The following LDB2 variants were observed in gnomAD, a reference collection of about 807,000 sequenced individuals.
The protein encoded by LDB2 is LIM domain-binding protein 2.
LDB2 carries 12 observed loss-of-function variants against 44.3 expected under a neutral mutation model. That is an observed-to-expected ratio of 0.27 (90% CI 0.17 to 0.44). The LOEUF is 0.44. Among genes scored for constraint, LDB2 ranks in the 20% least tolerant of loss-of-function variants. LDB2 has a pLI of 1.00. For synonymous variants in LDB2, 164 were observed against 174.8 expected (o/e 0.94, Z 0.49); for missense variants, 344 against 473.5 (o/e 0.73, Z 2.54).
chr4:16,707,522 G>A (rs754187227), intron 2 of LDB2, among the ~76,000 whole-genome samples: 18 of 152,232 alleles, frequency 1.2e-4, no homozygotes, highest in African/African-American at 4.1e-4. Context: ...ATCATTTCAC[G>A]TGATAATTTC....
intron 2 of LDB2, among the ~76,000 whole-genome samples, chr4:16,602,350 G>T (rs1722798569): frequency 6.6e-6 from 1 of 152,176 alleles, no homozygotes; most frequent in South Asian, 2.1e-4. Flanking sequence ...AGAGGTCCAG[G>T]CCCAAGAACC....
chr4:16,539,702 G>C (rs1199405588), intron 5 of LDB2, among the ~76,000 whole-genome samples: 1 of 152,048 alleles, frequency 6.6e-6, no homozygotes, highest in African/African-American at 2.4e-5. Flanking sequence ...TTTTCATCTA[G>C]AGTCCAAAAC....
chr4:16,806,904 C>G (rs1158793288), intron 1 of LDB2, among the ~76,000 whole-genome samples: 1 of 152,158 alleles, frequency 6.6e-6, no homozygotes, highest in Non-Finnish European at 1.5e-5. Flanking sequence ...TATCTCATAG[C>G]ATTGTTTGGA....
chr4:16,844,215 T>C (rs1187104974), intron 1 of LDB2, among the ~76,000 whole-genome samples: 2 of 120,084 alleles, frequency 1.7e-5, no homozygotes, highest in Non-Finnish European at 3.2e-5. Flanking sequence ...GCCACTGCAC[T>C]CTAGCCTGGG....
At chr4:16,733,699 C>T (rs1272960063) in intron 2 of LDB2, among the ~76,000 whole-genome samples, 1 of 152,138 alleles carries the variant, frequency 6.6e-6, no homozygotes, top group African/African-American at 2.4e-5. Flanking sequence ...CAGCAATCCC[C>T]TGATAGGCTG....
At chr4:16,771,497 CAA>C (rs1236438754) in intron 1 of LDB2, among the ~76,000 whole-genome samples, 1 of 152,138 alleles carries the variant, frequency 6.6e-6, no homozygotes, top group Non-Finnish European at 1.5e-5. Flanking sequence ...ACTTCTTAAC[CAA>C]AGAGGCATCT....
chr4:16,686,775 G>T (rs1177471667), intron 2 of LDB2, among the ~76,000 whole-genome samples: 1 of 152,138 alleles, frequency 6.6e-6, no homozygotes, highest in Non-Finnish European at 1.5e-5. Flanking sequence ...TCAAACTCAG[G>T]TTGCCAGTAG....
intron 1 of LDB2, among the ~76,000 whole-genome samples, chr4:16,794,848 G>A (rs1470622592): frequency 6.6e-6 from 1 of 152,162 alleles, no homozygotes; most frequent in Non-Finnish European, 1.5e-5. Context: ...ACCTGCTCCT[G>A]GAAGCCTTTC....
intron 2 of LDB2, among the ~76,000 whole-genome samples, chr4:16,710,773 T>C (rs555460552): frequency 3.9e-5 from 6 of 152,316 alleles, no homozygotes; most frequent in Admixed American, 3.3e-4. Flanking sequence ...CCAAGGGTCA[T>C]CCTTTTTTAA....
chr4:16,739,628 G>A (rs56007534), intron 2 of LDB2, among the ~76,000 whole-genome samples: 68 of 47,538 alleles, frequency 1.4e-3, no homozygotes, highest in South Asian at 2.7e-3. Context: ...ACATGTGTGT[G>A]TATATATGTA....
chr4:16,738,575 T>C (rs182420699), intron 2 of LDB2, among the ~76,000 whole-genome samples: 1 of 152,352 alleles, frequency 6.6e-6, no homozygotes, highest in Admixed American at 6.5e-5. Flanking sequence ...TACTTTGCTA[T>C]ACAAAATCCA....
intron 2 of LDB2, among the ~76,000 whole-genome samples, chr4:16,671,777 A>G (rs1190315450): frequency 6.6e-6 from 1 of 151,900 alleles, no homozygotes; most frequent in Non-Finnish European, 1.5e-5. Flanking sequence ...ACCACATCTC[A>G]TTAACCATCC....
At chr4:16,896,619 T>C (rs1433308024) in intron 1 of LDB2, among the ~76,000 whole-genome samples, 1 of 152,196 alleles carries the variant, frequency 6.6e-6, no homozygotes, top group Admixed American at 6.5e-5. Context: ...TAAATATTGT[T>C]GCTGTTCAAG....
chr4:16,791,459 G>T (rs1289773285), intron 1 of LDB2, among the ~76,000 whole-genome samples: 1 of 145,624 alleles, frequency 6.9e-6, no homozygotes, highest in Non-Finnish European at 1.5e-5. Context: ...GGAGGCTGAG[G>T]CAGGAGAATT....
intron 2 of LDB2, chr4:16,651,179 C>T (rs1738172396): frequency 6.6e-6 from 1 of 152,216 alleles, no homozygotes; most frequent in Non-Finnish European, 1.5e-5. Context: ...GATCACTCAT[C>T]CATTCACTCC....
intron 2 of LDB2, among the ~76,000 whole-genome samples, chr4:16,757,419 A>T (rs1237858749): frequency 6.6e-6 from 1 of 152,156 alleles, no homozygotes; most frequent in Admixed American, 6.5e-5. Flanking sequence ...CTGTTCATGG[A>T]GATAAGATCT....
rs535459210 is a variant in LDB2 at position 16,811,166 on chromosome 4, G to A, written c.133-51906C>T. On this transcript the variant is annotated intron_variant, in intron 1 of 7. Coordinates refer to ENST00000304523, the MANE Select transcript of LDB2 (RefSeq NM_001290.5). Reference sequence around the variant, plus strand: ...AGCACAGGTTTGTTAAAAGGATTAAGTGAACTGATTCATGGGATGTGCTTT... The same window carrying A: ...AGCACAGGTTTGTTAAAAGGATTAAATGAACTGATTCATGGGATGTGCTTT... Among the ~76,000 whole-genome samples the A allele has an allele frequency of 1.2e-4, 19 of 152,324 alleles. 2 individuals are homozygous for A. The South Asian group carries it at 3.9e-3, about 32-fold the overall frequency.
intron 5 of LDB2, among the ~76,000 whole-genome samples, chr4:16,569,750 T>C (rs542308156): frequency 1.5e-4 from 23 of 152,214 alleles, no homozygotes; most frequent in Non-Finnish European, 2.9e-4. Context: ...ATTTTATATG[T>C]GGTAGTTGTT....
intron 1 of LDB2, among the ~76,000 whole-genome samples, chr4:16,793,199 C>T (rs760426574): frequency 1.1e-4 from 16 of 152,160 alleles, no homozygotes; most frequent in Admixed American, 2.0e-4. Context: ...AATTGGTATA[C>T]GCGTTGCCTT....
Sources: gnomAD v4.1 joint callset for allele counts (sites outside exome capture counted in the v4.1 genomes callset) on GRCh38, gnomAD v4.1.1 for gene constraint, MANE v1.5 for transcripts, NCBI Gene and HGNC (gene_info 2026-07-23, HGNC 2026-07-21) for gene names.